Variants in TNRC6C observed in about 807,000 individuals in gnomAD.
TNRC6C encodes the protein trinucleotide repeat-containing gene 6C protein.
TNRC6C carries 20 observed loss-of-function variants against 153.7 expected under a neutral mutation model. That is an observed-to-expected ratio of 0.13 (90% CI 0.09 to 0.19). The LOEUF is 0.19. TNRC6C is among the 10% of genes least tolerant of loss of function. The probability of loss-of-function intolerance (pLI) is 1.00; values close to 1 mark genes in which losing one functional copy is unlikely to be tolerated. For synonymous variants in TNRC6C, 811 were observed against 841.4 expected (o/e 0.96, Z 0.63); for missense variants, 1,987 against 2,172.0 (o/e 0.91, Z 1.69).
At chr17:78,028,051 A>G (rs368334320) in intron 1 of TNRC6C, among the ~76,000 whole-genome samples, 47 of 151,956 alleles carry the variant, frequency 3.1e-4, no homozygotes, top group Non-Finnish European at 5.6e-4. Context: ...GCCCGCCACC[A>G]TGCCCGGCTA....
chr17:78,017,212 A>T (rs1437661139), intron 1 of TNRC6C, among the ~76,000 whole-genome samples: 1 of 152,186 alleles, frequency 6.6e-6, no homozygotes, highest in Admixed American at 6.5e-5. Context: ...ATGCCTTTTT[A>T]AAAATGTCTT....
At chr17:78,018,370 C>T (rs751854569) in intron 1 of TNRC6C, among the ~76,000 whole-genome samples, 1 of 152,160 alleles carries the variant, frequency 6.6e-6, no homozygotes, top group African/African-American at 2.4e-5. Context: ...CCTCGTGATC[C>T]GCCCCGCCTC....
intron 5 of TNRC6C, 65 bp from the exon 8 acceptor site, chr17:78,071,020 A>G: frequency 6.8e-7 from 1 of 1,479,840 alleles, no homozygotes; most frequent in Non-Finnish European, 9.2e-7. Context: ...GCTGTCTCCC[A>G]TTTCTGGTAG....
chr17:78,024,494 G>C (rs1356142236), intron 1 of TNRC6C, among the ~76,000 whole-genome samples: 2 of 151,792 alleles, frequency 1.3e-5, no homozygotes, highest in African/African-American at 2.4e-5. Context: ...AGTCCCCCAA[G>C]TAGCTGGGAC....
At chr17:78,060,970 G>T (rs2072757439) in intron 3 of TNRC6C, among the ~76,000 whole-genome samples, 1 of 152,132 alleles carries the variant, frequency 6.6e-6, no homozygotes, top group Admixed American at 6.5e-5. Context: ...TTCTCTGTCT[G>T]CTGCTCATTT....
intron 2 of TNRC6C, among the ~76,000 whole-genome samples, chr17:78,035,151 A>T (rs2072154677): frequency 6.6e-6 from 1 of 152,094 alleles, no homozygotes; most frequent in African/African-American, 2.4e-5. Context: ...CACCATTCCA[A>T]TGACTTTGTT....
At chr17:78,015,956 C>T (rs2071719860) in intron 1 of TNRC6C, among the ~76,000 whole-genome samples, 1 of 152,148 alleles carries the variant, frequency 6.6e-6, no homozygotes, top group Non-Finnish European at 1.5e-5. Context: ...TCTATATGCT[C>T]TTAACCAGAT....
At chr17:77,986,329 C>A (rs936090972) in intron 1 of TNRC6C, among the ~76,000 whole-genome samples, 1 of 150,814 alleles carries the variant, frequency 6.6e-6, no homozygotes, top group South Asian at 2.1e-4. Context: ...GCAGGAGAAT[C>A]GTTTGAACGC....
intron 1 of TNRC6C, among the ~76,000 whole-genome samples, chr17:78,006,092 C>G (rs2071490777): frequency 6.6e-6 from 1 of 152,108 alleles, no homozygotes; most frequent in South Asian, 2.1e-4. Context: ...TGTATTATCT[C>G]ATTTGAACTT....
chr17:78,093,260 T>C, intron 15 of TNRC6C, 136 bp downstream of exon 17: 2 of 1,006,418 alleles, frequency 2.0e-6, no homozygotes, highest in Non-Finnish European at 2.8e-6. Context: ...TTTGGCATTT[T>C]CCTTGGAAAT....
In TNRC6C at chr17:78,075,908, A is replaced by T. The variant is rs1263362235; in HGVS notation, c.3060+630A>T. On this transcript the variant is annotated intron_variant, in intron 8 of 19. Coordinates refer to ENST00000301624, the Ensembl canonical transcript of TNRC6C. The surrounding 1 kb of genome is among the most constrained non-coding windows in gnomAD (Gnocchi z 4.2). ...AAATTGAAGTAAGGAAGGACACATTAAAAAAAAAAGATCAACAATGGAAGG... is the reference window on the plus strand; with the variant it reads ...AAATTGAAGTAAGGAAGGACACATTTAAAAAAAAAGATCAACAATGGAAGG... Among the ~76,000 whole-genome samples, 1 of 148,234 alleles carries T rather than the reference A, an allele frequency of 6.7e-6. No homozygotes were observed. The highest frequency in any genetic ancestry group is 1.5e-5 in the Non-Finnish European group (1 of 66,684).
intron 16 of TNRC6C, 104 bp downstream of exon 19, chr17:78,097,965 G>C: frequency 1.0e-6 from 1 of 991,046 alleles, no homozygotes. Context: ...CTCACTCCCT[G>C]AGCTGGGAGG....
intron 1 of TNRC6C, chr17:78,008,448 G>T (rs1181352587): frequency 1.3e-5 from 2 of 152,232 alleles, no homozygotes; most frequent in African/African-American, 4.8e-5. Context: ...ACCCTGATGT[G>T]ATCATGGGAA....
intron 1 of TNRC6C, among the ~76,000 whole-genome samples, chr17:77,986,079 T>A (rs1475478523): frequency 6.6e-6 from 1 of 152,090 alleles, no homozygotes; most frequent in African/African-American, 2.4e-5. Context: ...TTTAAAAAAA[T>A]TATAAAATAC....
intron 3 of TNRC6C, 91 bp downstream of exon 5, chr17:78,051,539 T>A: frequency 8.0e-7 from 1 of 1,253,192 alleles, no homozygotes. Context: ...CCGAGTAGTG[T>A]TTTTTATAGC....
intron 7 of TNRC6C, among the ~76,000 whole-genome samples, chr17:78,074,462 C>T (rs192333729): frequency 5.8e-4 from 89 of 152,318 alleles, no homozygotes; most frequent in Admixed American, 5.5e-3. Context: ...CGTGCGACAA[C>T]GTGTGGTGCA....
At chr17:78,000,595 T>A (rs1003858853), upstream of TNRC6C, among the ~76,000 whole-genome samples, 4 of 120,452 alleles carry the variant, frequency 3.3e-5, no homozygotes, top group Admixed American at 1.0e-4. Context: ...ACACACACAC[T>A]CTCTGTCTCT....
rs184350262 is a variant in TNRC6C, at chr17:78,087,679, T to C, written c.3802+586T>C. ...GTCAGTAAAAGTATTCAGATTTACA[T>C]TAAAAGCACTTCTTAAAAAGCAGTG... On this transcript the variant is annotated intron_variant, in intron 13 of 19. Transcript: ENST00000301624. Among the ~76,000 whole-genome samples the C allele has an allele frequency of 7.9e-5, 12 of 152,348 alleles. No homozygotes were observed. The East Asian group carries it at 2.3e-3, about 29-fold the overall frequency.
chr17:77,991,735 C>A (rs2071253764), intron 1 of TNRC6C, among the ~76,000 whole-genome samples: 1 of 152,148 alleles, frequency 6.6e-6, no homozygotes, highest in Non-Finnish European at 1.5e-5. Context: ...TTTTGATTAT[C>A]CTCTTCAATT....
Sources: allele counts gnomAD v4.1 joint callset (sites outside exome capture counted in the v4.1 genomes callset), GRCh38; gene constraint gnomAD v4.1.1; non-coding constraint Gnocchi (gnomAD v3.1); transcripts MANE v1.5; gene names NCBI Gene and HGNC (gene_info 2026-07-23, HGNC 2026-07-21).